Variants in DPYSL2 observed in about 807,000 individuals in gnomAD.
DPYSL2 encodes the protein dihydropyrimidinase like 2.
In DPYSL2, 13 loss-of-function variants were observed where a neutral mutation model predicts 69.9. That is an observed-to-expected ratio of 0.19 (90% CI 0.12 to 0.30). The LOEUF is 0.30. Ranked by LOEUF, DPYSL2 falls within the 10% of genes least tolerant of loss-of-function variation. The pLI, the probability that DPYSL2 is intolerant of heterozygous loss-of-function variation, is 1.00. For synonymous variants in DPYSL2, 326 were observed against 359.1 expected (o/e 0.91, Z 1.04); for missense variants, 587 against 918.9 (o/e 0.64, Z 4.67).
intron 3 of DPYSL2, among the ~76,000 whole-genome samples, chr8:26,602,134 G>A (rs915142694): frequency 1.1e-4 from 16 of 143,372 alleles, no homozygotes; most frequent in Non-Finnish European, 2.1e-4. Flanking sequence ...ATAAAACAAA[G>A]GAAATTTTTT....
intron 11 of DPYSL2, among the ~76,000 whole-genome samples, chr8:26,649,889 TG>T (rs1803248007): frequency 6.6e-6 from 1 of 152,204 alleles, no homozygotes; most frequent in Admixed American, 6.5e-5. Context: ...ATCTGACCCT[TG>T]GACTTGTCAA....
intron 1 of DPYSL2, among the ~76,000 whole-genome samples, chr8:26,548,951 A>G (rs4871985): frequency 0.87 from 133,043 of 152,100 alleles, 58,590 homozygotes; most frequent in East Asian, 0.99. Context: ...CACTTTGGGA[A>G]GCTGAGGCGG....
In DPYSL2 at chr8:26,655,696, G is replaced by A. The variant is rs1803370327; in HGVS notation, c.2024G>A (p.Ser675Asn). ...APPGGRANIT[S>N]LG ...CCCGGTGGCCGTGCCAACATCACCA[G>A]CCTGGGCTAGAGCTCCTGGGCTGTG... The change falls in exon 14 of 14, where the codon AGC becomes AAC. Residue 675 changes from serine (S) to asparagine (N), a missense_variant. By Grantham distance (46) the Ser-to-Asn change is conservative. This residue lies in a region of DPYSL2 where 452 missense variants were observed against 754.3 expected (regional missense o/e 0.60). Coordinates refer to ENST00000521913, the MANE Select transcript of DPYSL2 (RefSeq NM_001197293.3). 1.2e-6 allele frequency: 2 copies of A among 1,606,768 alleles called. No homozygotes were observed. The highest frequency in any genetic ancestry group is 1.1e-5 in the South Asian group (1 of 90,958).
chr8:26,567,512 C>A (rs951947507), intron 1 of DPYSL2, among the ~76,000 whole-genome samples: 5 of 152,242 alleles, frequency 3.3e-5, no homozygotes, highest in Admixed American at 6.5e-5. Context: ...TAGTCTCTGT[C>A]TTCAAGATGC....
intron 1 of DPYSL2, among the ~76,000 whole-genome samples, chr8:26,546,552 A>C (rs1220285692): frequency 2.6e-5 from 4 of 152,128 alleles, no homozygotes; most frequent in Non-Finnish European, 2.9e-5. Context: ...CATAAATGTT[A>C]CATAATTGGG....
chr8:26,604,091 T>C (rs1802054633), intron 3 of DPYSL2, among the ~76,000 whole-genome samples: 1 of 152,238 alleles, frequency 6.6e-6, no homozygotes, highest in African/African-American at 2.4e-5. Flanking sequence ...TTAAATTTGA[T>C]TGAAGGTACA....
Position 26,656,462 on chromosome 8 carries a change from G to C in DPYSL2, c.*756G>C, listed in dbSNP as rs986094650. Reference sequence around the variant, plus strand: ...TTCTCTTCTCTTTTACCATTTTTCTGCGTGCTCTCACTCTCTCTTTCTCTC... The same window carrying C: ...TTCTCTTCTCTTTTACCATTTTTCTCCGTGCTCTCACTCTCTCTTTCTCTC... On this transcript the variant is annotated 3_prime_UTR_variant, in exon 14 of 14. Transcript: ENST00000521913. The C allele has an allele frequency of 6.6e-6, 1 of 152,328 alleles. No homozygotes were observed. The highest frequency in any genetic ancestry group is 2.1e-4 in the South Asian group (1 of 4,814). The allele number at this position is 152,328 out of a possible 1,614,324, so 9.4% of individuals were successfully genotyped here. A position where few individuals can be genotyped will look rare whatever the true frequency, so the allele number is the denominator to read the frequency against.
At chr8:26,526,752 CG>C (rs1808484784) in intron 1 of DPYSL2, among the ~76,000 whole-genome samples, 1 of 152,208 alleles carries the variant, frequency 6.6e-6, no homozygotes, top group Admixed American at 6.5e-5. Flanking sequence ...CAACTGTAGT[CG>C]ATCCAGTTGG....
In DPYSL2 at chr8:26,587,110, C is replaced by T. The variant is rs150494946; in HGVS notation, c.628+3127C>T. ...ATCCTTTTTCTGTTTGCTGACCAGA[C>T]GTTCTGCATTGCTTTAAGTGAGTGA... On this transcript the variant is annotated intron_variant, in intron 3 of 13. Transcript: ENST00000521913. This position sits in a 1 kb window ranked among gnomAD's most constrained non-coding sequence, Gnocchi z 4.2. 8.7e-3 allele frequency among the ~76,000 whole-genome samples: 1,323 copies of T among 152,246 alleles called. 9 individuals are homozygous for T. The highest frequency in any genetic ancestry group is 0.012 in the Non-Finnish European group (832 of 68,032).
In DPYSL2 at chr8:26,597,879, A is replaced by T. The variant is rs1801900662; in HGVS notation, c.628+13896A>T. ...GGTATTGTTTTTCTCCTTTATGGAG[A>T]TAATCCAGGGAGAAACATGAAGTGT... On this transcript the variant is annotated intron_variant, in intron 3 of 13. Transcript: ENST00000521913. This position sits in a 1 kb window ranked among gnomAD's most constrained non-coding sequence, Gnocchi z 5.2. Among the ~76,000 whole-genome samples, 1 of 150,778 alleles carries T rather than the reference A, an allele frequency of 6.6e-6. No individual in the cohort carries two copies. The highest frequency in any genetic ancestry group is 2.1e-4 in the South Asian group (1 of 4,784).
intron 1 of DPYSL2, 82 bp from the exon 2 acceptor site, chr8:26,581,887 A>G: frequency 9.2e-7 from 1 of 1,083,576 alleles, no homozygotes; most frequent in Non-Finnish European, 1.4e-6. Context: ...AACAGTGAAA[A>G]TGTATCCTTA....
chr8:26,628,883 C>T (rs1448649063), intron 7 of DPYSL2, among the ~76,000 whole-genome samples: 1 of 152,172 alleles, frequency 6.6e-6, no homozygotes, highest in East Asian at 1.9e-4. Context: ...TGCCACCACC[C>T]TGAGTTTGGG....
In DPYSL2 at chr8:26,647,578, T is replaced by G; in HGVS notation, c.1426-52T>G. The G allele has an allele frequency of 6.5e-7, 1 of 1,535,580 alleles. No individual in the cohort carries two copies. Among genetic ancestry groups the G allele is most frequent in the Non-Finnish European group, 8.8e-7 (1 of 1,140,136 alleles). On this transcript the variant is annotated intron_variant, in intron 10 of 13. Transcript: ENST00000521913. The surrounding 1 kb of genome is among the most constrained non-coding windows in gnomAD (Gnocchi z 5.1). ...AGTTTGTTATTGAAAAGTAACTTTT[T>G]AACTCGTTTCTGCTGTGTGCCTCCT...
chr8:26,597,515 C>T lies in DPYSL2; in HGVS notation c.628+13532C>T, dbSNP rs1472515550. On this transcript the variant is annotated intron_variant, in intron 3 of 13. Coordinates refer to ENST00000521913, the MANE Select transcript of DPYSL2 (RefSeq NM_001197293.3). The surrounding 1 kb of genome is among the most constrained non-coding windows in gnomAD (Gnocchi z 5.2). ...TTGGATACAGAGTCTCCCTCCGTTGCCTAGGCTGGAATGCAGTGGCTTGAT... is the reference window on the plus strand; with the variant it reads ...TTGGATACAGAGTCTCCCTCCGTTGTCTAGGCTGGAATGCAGTGGCTTGAT... Among the ~76,000 whole-genome samples the T allele has an allele frequency of 1.3e-5, 2 of 152,118 alleles. No individual in the cohort carries two copies. The highest frequency in any genetic ancestry group is 1.3e-4 in the Admixed American group (2 of 15,270).
rs143457059 is a variant in DPYSL2, at chr8:26,620,505, A to G, written c.629-3638A>G. 5.1e-4 allele frequency among the ~76,000 whole-genome samples: 77 copies of G among 152,218 alleles called. 2 individuals are homozygous for G. The South Asian group carries it at 0.016, about 31-fold the overall frequency. On this transcript the variant is annotated intron_variant, in intron 3 of 13. Coordinates refer to ENST00000521913, the MANE Select transcript of DPYSL2 (RefSeq NM_001197293.3). This position sits in a 1 kb window ranked among gnomAD's most constrained non-coding sequence, Gnocchi z 4.5. ...TCCTGGCCTCAAGTGATCTTTTGCC[A>G]CCAGATATTAAAATGTATCAAAAAG...
In DPYSL2 at chr8:26,586,492, C is replaced by A. The variant is rs1390291705; in HGVS notation, c.628+2509C>A. ...TCCTGCATTCCTGGGTCTGCCTCTT[C>A]CCTCCACACGCTCGCCCCGTGCTTA... On this transcript the variant is annotated intron_variant, in intron 3 of 13. Transcript: ENST00000521913. The surrounding 1 kb of genome is among the most constrained non-coding windows in gnomAD (Gnocchi z 4.7). Among the ~76,000 whole-genome samples, 1 of 152,198 alleles carries A rather than the reference C, an allele frequency of 6.6e-6. No individual in the cohort carries two copies. The highest frequency in any genetic ancestry group is 1.5e-5 in the Non-Finnish European group (1 of 68,030).
In DPYSL2 at chr8:26,533,300, C is replaced by A. The variant is rs1358131476; in HGVS notation, c.354+18621C>A. Among the ~76,000 whole-genome samples the A allele has an allele frequency of 6.6e-6, 1 of 151,998 alleles. No homozygotes were observed. The highest frequency in any genetic ancestry group is 1.5e-5 in the Non-Finnish European group (1 of 68,004). Reference sequence around the variant, plus strand: ...CATCCTTAATATATATTATTTTTTTCTCCTGCTCTGTGGATTGTTTTTCAC... The same window carrying A: ...CATCCTTAATATATATTATTTTTTTATCCTGCTCTGTGGATTGTTTTTCAC... On this transcript the variant is annotated intron_variant, in intron 1 of 13. Coordinates refer to ENST00000521913, the MANE Select transcript of DPYSL2 (RefSeq NM_001197293.3). This position sits in a 1 kb window ranked among gnomAD's most constrained non-coding sequence, Gnocchi z 4.8.
intron 3 of DPYSL2, among the ~76,000 whole-genome samples, chr8:26,590,669 G>A (rs1407568558): frequency 5.3e-5 from 8 of 151,510 alleles, no homozygotes; most frequent in East Asian, 1.9e-4. Flanking sequence ...CGTGAATCTC[G>A]GCCTTGAACG....
intron 3 of DPYSL2, among the ~76,000 whole-genome samples, chr8:26,604,614 A>C (rs1802067327): frequency 6.6e-6 from 1 of 151,184 alleles, no homozygotes; most frequent in African/African-American, 2.4e-5. Flanking sequence ...GAAAAGTTGG[A>C]CGTTAGCTAT....
Sources: gnomAD v4.1 joint callset for allele counts (sites outside exome capture counted in the v4.1 genomes callset) on GRCh38, gnomAD v4.1.1 for gene constraint, gnomAD v4.1.1 regional missense constraint, Gnocchi (gnomAD v3.1) non-coding constraint, MANE v1.5 for transcripts, NCBI Gene and HGNC (gene_info 2026-07-23, HGNC 2026-07-21) for gene names.